The following B3GAT1 variants were observed in gnomAD, a reference collection of about 807,000 sequenced individuals.
B3GAT1 encodes the protein beta-1,3-glucuronyltransferase 1.
Under a neutral mutation model 28.4 loss-of-function variants are expected in B3GAT1, and 11 were observed. The observed-to-expected ratio is 0.39, with a 90% CI of 0.24 to 0.64. The LOEUF (loss-of-function observed/expected upper bound fraction) is 0.64, where lower values mean the gene tolerates loss of function less well. Ranked by LOEUF, B3GAT1 falls within the 30% of genes least tolerant of loss-of-function variation. The pLI is 0.50. For synonymous variants in B3GAT1, 255 were observed against 223.1 expected, an observed-to-expected ratio of 1.14 and a Z score of -1.27; for missense variants, 375 against 491.0, an observed-to-expected ratio of 0.76 and a Z score of 2.23.
intron 1 of B3GAT1, among the ~76,000 whole-genome samples, chr11:134,404,027 A>ATATATTTATTTATTTATTTATT (rs1555098477): frequency 2.8e-5 from 3 of 106,754 alleles, no homozygotes; most frequent in Non-Finnish European, 5.7e-5. Context: ...ATATATATAT[A>ATATATTTATTTATTTATTTATT]TATTTATTAT....
In B3GAT1 at chr11:134,412,124, A is replaced by C. The variant is rs1444649763; in HGVS notation, c.-599T>G. Among the ~76,000 whole-genome samples, 2 of 17,120 alleles carry C rather than the reference A, an allele frequency of 1.2e-4. No individual in the cohort carries two copies. The highest frequency in any genetic ancestry group is 1.9e-4 in the African/African-American group (1 of 5,154). The allele number at this position is 17,120 out of a possible 152,430, so 11.2% of individuals were successfully genotyped here. A position where few individuals can be genotyped will look rare whatever the true frequency, so the allele number is the denominator to read the frequency against. Reference sequence around the variant, plus strand: ...GCGGGGAGGGGGAGCGGGGAGGGGGAGCGGGGAGCGGGCGCGGGGGCGAGA... The same window carrying C: ...GCGGGGAGGGGGAGCGGGGAGGGGGCGCGGGGAGCGGGCGCGGGGGCGAGA... On this transcript the variant is annotated 5_prime_UTR_variant, in exon 1 of 6. Transcript: ENST00000312527.
At position 134,405,894 on chromosome 11, in the gene B3GAT1, C is replaced by T. The variant is rs567580269; in HGVS notation, c.-282+5913G>A. 8.5e-5 allele frequency among the ~76,000 whole-genome samples: 13 copies of T among 152,350 alleles called. No individual in the cohort carries two copies. The East Asian group carries it at 2.5e-3, about 29-fold the overall frequency. On this transcript the variant is annotated intron_variant, in intron 1 of 5. Coordinates refer to ENST00000312527, the MANE Select transcript of B3GAT1 (RefSeq NM_054025.3). ...CAATGGCCAGCTCCTGCCCCTCAGG[C>T]CAGCCCTCACCTTCCACCCCTGGTG...
chr11:134,387,513 C>T (rs754160304), intron 2 of B3GAT1, 35 bp downstream of exon 2: 10 of 1,609,812 alleles, frequency 6.2e-6, no homozygotes, highest in Non-Finnish European at 6.8e-6. Flanking sequence ...CTACCAAGGC[C>T]CAGCTGGGCA....
intron 1 of B3GAT1, among the ~76,000 whole-genome samples, chr11:134,397,295 C>T (rs1381166334): frequency 6.6e-6 from 1 of 152,206 alleles, no homozygotes; most frequent in East Asian, 1.9e-4. Context: ...CTGCGACCTG[C>T]TCAGATCCTC....
At chr11:134,407,745 A>G (rs1944762880) in intron 1 of B3GAT1, among the ~76,000 whole-genome samples, 1 of 152,122 alleles carries the variant, frequency 6.6e-6, no homozygotes, top group Non-Finnish European at 1.5e-5. Flanking sequence ...GCAAAAAAAA[A>G]AAAAGCAACC....
chr11:134,412,012 C>T lies in B3GAT1; in HGVS notation c.-487G>A. 1 of 144,622 alleles carries T rather than the reference C, an allele frequency of 6.9e-6. No individual in the cohort carries two copies. The allele number at this position is 144,622 out of a possible 1,614,324, so 9.0% of individuals were successfully genotyped here. ...CCCGCCCGGCCCCGCCGCCCCGGCCCGGCTCGTTCTGGGCTCAGCGAGGCG... is the reference window on the plus strand; with the variant it reads ...CCCGCCCGGCCCCGCCGCCCCGGCCTGGCTCGTTCTGGGCTCAGCGAGGCG... On this transcript the variant is annotated 5_prime_UTR_variant, in exon 1 of 6. Coordinates refer to ENST00000312527, the MANE Select transcript of B3GAT1 (RefSeq NM_054025.3).
chr11:134,411,255 T>C lies in B3GAT1; in HGVS notation c.-282+552A>G, dbSNP rs1434514602. 1.3e-5 allele frequency among the ~76,000 whole-genome samples: 2 copies of C among 152,136 alleles called. No homozygotes were observed. Among genetic ancestry groups the C allele is most frequent in the Non-Finnish European group, 2.9e-5 (2 of 68,014 alleles). On this transcript the variant is annotated intron_variant, in intron 1 of 5. Coordinates refer to ENST00000312527, the MANE Select transcript of B3GAT1 (RefSeq NM_054025.3). This position sits in a 1 kb window ranked among gnomAD's most constrained non-coding sequence, Gnocchi z 6.0. Reference sequence around the variant, plus strand: ...GGGAGGGTGGTGAACTGGTCGCGCCTCCTTCCTCCTTGCTACACCGAAGGT... The same window carrying C: ...GGGAGGGTGGTGAACTGGTCGCGCCCCCTTCCTCCTTGCTACACCGAAGGT...
In B3GAT1 at chr11:134,383,863, C is replaced by G; in HGVS notation, c.438G>C (p.Val146=). Residue 146 remains valine, a synonymous_variant, in exon 3 of 6, where the codon GTG becomes GTC. Transcript: ENST00000312527. ...GCAGCTTGTAGTTGCGGGGCGTCTC[C>G]ACGTGCAGGTGCGTGTAGTTGAGGC... is the stretch of plus-strand genomic sequence containing the variant. ...DTGLNYTHLH[V]ETPRNYKLRG... 1 of 1,596,898 alleles carries G rather than the reference C, an allele frequency of 6.3e-7. No individual in the cohort carries two copies. Among genetic ancestry groups the G allele is most frequent in the Non-Finnish European group, 8.5e-7 (1 of 1,175,004 alleles).
chr11:134,403,986 TA>T (rs1200052540), intron 1 of B3GAT1, among the ~76,000 whole-genome samples: 17 of 18,616 alleles, frequency 9.1e-4, no homozygotes, highest in African/African-American at 3.2e-3. Context: ...TCTTTCTTTA[TA>T]TATATATATA....
chr11:134,389,243 TG>T (rs1330916875), intron 1 of B3GAT1: 2 of 152,306 alleles, frequency 1.3e-5, no homozygotes, highest in African/African-American at 2.4e-5. Context: ...GGATGGTCCC[TG>T]GGGGGAAGTA....
Position 134,381,555 on chromosome 11 carries a change from G to T in B3GAT1, c.*14+369C>A, listed in dbSNP as rs192939741. On this transcript the variant is annotated intron_variant, in intron 5 of 5. Transcript: ENST00000312527. ...CCGTGAGTCCTCACCATGGCCACGTGGTGAAGGAATCCACAGGGGAAGAGG... is the reference window on the plus strand; with the variant it reads ...CCGTGAGTCCTCACCATGGCCACGTTGTGAAGGAATCCACAGGGGAAGAGG... 38 of 231,920 alleles carry T rather than the reference G, an allele frequency of 1.6e-4. 1 individual carries two copies. In the Admixed American group the frequency reaches 1.9e-3, roughly 11 times the overall value. The allele number at this position is 231,920 out of a possible 1,614,324, so 14.4% of individuals were successfully genotyped here. A position where few individuals can be genotyped will look rare whatever the true frequency, so the allele number is the denominator to read the frequency against.
chr11:134,381,480 G>A (rs994624833), intron 5 of B3GAT1, among the ~76,000 whole-genome samples: 6 of 152,176 alleles, frequency 3.9e-5, no homozygotes, highest in African/African-American at 7.2e-5. Flanking sequence ...GTCACTCTGC[G>A]CTACCTCTCA....
At chr11:134,388,552 T>G (rs1397182233) in intron 1 of B3GAT1, 1 of 154,192 alleles carries the variant, frequency 6.5e-6, no homozygotes, top group Non-Finnish European at 1.4e-5. Context: ...AGATCTGGAG[T>G]ATGATGAATC....
At chr11:134,401,061 G>A (rs56007027) in intron 1 of B3GAT1, among the ~76,000 whole-genome samples, 26,921 of 152,148 alleles carry the variant, frequency 0.18, 2,882 homozygotes, top group African/African-American at 0.3. Context: ...ACACCAGTCC[G>A]AATGGCTATT....
intron 1 of B3GAT1, among the ~76,000 whole-genome samples, chr11:134,406,028 C>G (rs11223784): frequency 6.6e-6 from 1 of 152,200 alleles, no homozygotes; most frequent in Non-Finnish European, 1.5e-5. Flanking sequence ...CTGTCTTAGA[C>G]GAGGAAACTG....
intron 1 of B3GAT1, among the ~76,000 whole-genome samples, chr11:134,405,077 G>A (rs1322770070): frequency 6.6e-6 from 1 of 152,176 alleles, no homozygotes; most frequent in Non-Finnish European, 1.5e-5. Context: ...AAGAAGGGCT[G>A]GGGCAGGCAA....
downstream of B3GAT1, chr11:134,378,505 T>A (rs1944061656): frequency 6.6e-6 from 1 of 152,232 alleles, no homozygotes; most frequent in South Asian, 2.1e-4. Context: ...TGAAGAGGAT[T>A]AGGACTGTTA....
chr11:134,407,579 T>G (rs913918877), intron 1 of B3GAT1, among the ~76,000 whole-genome samples: 2 of 152,262 alleles, frequency 1.3e-5, no homozygotes, highest in Non-Finnish European at 2.9e-5. Flanking sequence ...TCTCCACTTT[T>G]GCGCTTATCA....
chr11:134,387,189 G>A, intron 2 of B3GAT1: 1 of 242,834 alleles, frequency 4.1e-6, no homozygotes, highest in Non-Finnish European at 8.0e-6. Flanking sequence ...CCACACTAAA[G>A]ACTCCCACTC....
Sources: gnomAD v4.1 joint callset for allele counts (sites outside exome capture counted in the v4.1 genomes callset) on GRCh38, gnomAD v4.1.1 for gene constraint, Gnocchi (gnomAD v3.1) non-coding constraint, MANE v1.5 for transcripts, NCBI Gene and HGNC (gene_info 2026-07-23, HGNC 2026-07-21) for gene names.